PHF21B: variants seen among roughly 807,000 people sequenced by gnomAD.
PHF21B encodes PHD finger protein 4.
A neutral mutation model predicts 62.2 loss-of-function variants in PHF21B; 22 were observed. That is an observed-to-expected ratio of 0.35 (90% CI 0.25 to 0.51). The LOEUF is 0.51. Ranked by LOEUF, PHF21B falls within the 20% of genes least tolerant of loss-of-function variation. The pLI is 0.97. For synonymous variants in PHF21B, 341 were observed against 314.7 expected (o/e 1.08, Z -0.88); for missense variants, 701 against 707.9 (o/e 0.99, Z 0.11).
chr22:44,895,774 C>T (rs936265203), intron 6 of PHF21B, among the ~76,000 whole-genome samples: 5 of 152,198 alleles, frequency 3.3e-5, no homozygotes, highest in African/African-American at 1.2e-4. Flanking sequence ...GTCTGGAAGG[C>T]TTCTCTGTCT....
rs535175281 is a variant in PHF21B at position 44,952,330 on chromosome 22, C to G, written c.121-31840G>C. Among the ~76,000 whole-genome samples, 6 of 152,194 alleles carry G rather than the reference C, an allele frequency of 3.9e-5. No individual in the cohort carries two copies. In the East Asian group the frequency reaches 1.2e-3, roughly 29 times the overall value. ...TGTACTCTGGCCTGGGCAACAAGAG[C>G]GAAACTTTGTCTCAAAAAAGAAAAT... On this transcript the variant is annotated intron_variant, in intron 2 of 12. Coordinates refer to ENST00000313237, the MANE Select transcript of PHF21B (RefSeq NM_138415.5).
chr22:44,936,682 T>A (rs1030462198), intron 2 of PHF21B, among the ~76,000 whole-genome samples: 7 of 152,220 alleles, frequency 4.6e-5, no homozygotes, highest in Admixed American at 1.3e-4. Context: ...TTGGATTACA[T>A]AAAATAATTA....
In PHF21B at chr22:44,899,346, A is replaced by G. The variant is rs1386624690; in HGVS notation, c.832-3263T>C. Among the ~76,000 whole-genome samples the G allele has an allele frequency of 3.8e-5, 5 of 130,098 alleles. No homozygotes were observed. In the East Asian group the frequency reaches 6.8e-4, roughly 18 times the overall value. The allele number at this position is 130,098 out of a possible 152,430, so 85.3% of individuals were successfully genotyped here. A position where few individuals can be genotyped will look rare whatever the true frequency, so the allele number is the denominator to read the frequency against. ...GCTCTTGTCACCCAGCCTGGAGTGC[A>G]GTGGCATGATCTCAGCTCACTGCAA... On this transcript the variant is annotated intron_variant, in intron 5 of 12. Transcript: ENST00000313237.
chr22:44,929,992 G>A (rs983799669), intron 2 of PHF21B, among the ~76,000 whole-genome samples: 4 of 152,222 alleles, frequency 2.6e-5, no homozygotes, highest in Non-Finnish European at 5.9e-5. Flanking sequence ...TCACTAGGAG[G>A]GAAAAGAGGA....
At chr22:44,964,301 A>G (rs1442845798) in intron 2 of PHF21B, among the ~76,000 whole-genome samples, 1 of 152,136 alleles carries the variant, frequency 6.6e-6, no homozygotes, top group Non-Finnish European at 1.5e-5. Flanking sequence ...CACATTCAAC[A>G]GTGAGGCCAC....
chr22:44,902,264 CA>C, intron 5 of PHF21B: 2 of 237,804 alleles, frequency 8.4e-6, no homozygotes. Flanking sequence ...CTTCGACACA[CA>C]AACAGAGAAG....
In PHF21B at chr22:44,913,907, C is replaced by T. The variant is rs370081683; in HGVS notation, c.746G>A (p.Arg249Gln). The change falls in exon 5 of 13, where the codon CGG becomes CAG. Residue 249 changes from arginine to glutamine, a missense_variant. Physicochemically the swap from Arg to Gln is conservative, Grantham distance 43 (BLOSUM62 1). Coordinates refer to ENST00000313237, the MANE Select transcript of PHF21B (RefSeq NM_138415.5). Reference protein sequence around the residue: ...QTQPESTAESRPPTEEPSQGA... With the variant: ...QTQPESTAESQPPTEEPSQGA... ...CTGAGATGGCTCCTCTGTGGGCGGC[C>T]GCGACTCTGCCGTGCTCTCGGGCTG... 7.1e-5 allele frequency: 115 copies of T among 1,613,442 alleles called. No homozygotes were observed. Among genetic ancestry groups the T allele is most frequent in the Non-Finnish European group, 8.3e-5 (98 of 1,179,908 alleles).
At chr22:44,970,216 G>A (rs917332847) in intron 2 of PHF21B, among the ~76,000 whole-genome samples, 1 of 152,260 alleles carries the variant, frequency 6.6e-6, no homozygotes, top group Non-Finnish European at 1.5e-5. Context: ...CCTGAAGGGA[G>A]GCATATTCCC....
intron 3 of PHF21B, among the ~76,000 whole-genome samples, chr22:44,917,643 T>C (rs2071462185): frequency 6.6e-6 from 1 of 152,194 alleles, no homozygotes; most frequent in Admixed American, 6.5e-5. Flanking sequence ...AGGTGCATAA[T>C]GGAGCCTCAC....
intron 2 of PHF21B, among the ~76,000 whole-genome samples, chr22:44,924,397 G>T (rs2071593598): frequency 6.6e-6 from 1 of 152,184 alleles, no homozygotes; most frequent in African/African-American, 2.4e-5. Context: ...GTATGGCAAT[G>T]AACAGAACGT....
At chr22:44,950,906 A>C (rs1032444797) in intron 2 of PHF21B, among the ~76,000 whole-genome samples, 10 of 152,038 alleles carry the variant, frequency 6.6e-5, no homozygotes, top group Admixed American at 3.3e-4. Context: ...GGACTTACCC[A>C]AACTGTGACT....
intron 2 of PHF21B, among the ~76,000 whole-genome samples, chr22:44,928,338 C>A (rs994208926): frequency 2.0e-5 from 3 of 152,186 alleles, no homozygotes; most frequent in Non-Finnish European, 4.4e-5. Flanking sequence ...TGGTCCAGGA[C>A]GAGCCCTGTC....
At chr22:44,974,628 A>T (rs573531912) in intron 2 of PHF21B, among the ~76,000 whole-genome samples, 2 of 152,244 alleles carry the variant, frequency 1.3e-5, no homozygotes, top group East Asian at 1.9e-4. Context: ...CCTCGTCACC[A>T]CCTGACCTGC....
At chr22:44,945,422 C>G (rs2072047643) in intron 2 of PHF21B, among the ~76,000 whole-genome samples, 1 of 152,188 alleles carries the variant, frequency 6.6e-6, no homozygotes, top group Non-Finnish European at 1.5e-5. Flanking sequence ...TGAGACCCTC[C>G]CATCCTTGGG....
chr22:44,987,534 C>A (rs1432909324), intron 2 of PHF21B, among the ~76,000 whole-genome samples: 1 of 152,156 alleles, frequency 6.6e-6, no homozygotes, highest in African/African-American at 2.4e-5. Context: ...ACGAAACTAA[C>A]AAGGGTCCAA....
chr22:44,955,837 T>G (rs2072285149), intron 2 of PHF21B, among the ~76,000 whole-genome samples: 1 of 152,132 alleles, frequency 6.6e-6, no homozygotes, highest in Non-Finnish European at 1.5e-5. Flanking sequence ...TTGGTTCTGC[T>G]CTCTGGCGAG....
chr22:44,898,394 T>C (rs150016119), intron 5 of PHF21B, among the ~76,000 whole-genome samples: 86 of 152,240 alleles, frequency 5.6e-4, no homozygotes, highest in Non-Finnish European at 8.2e-4. Flanking sequence ...TAGCTGCTGG[T>C]GACCCTGGTC....
chr22:44,915,482 C>T (rs1274069342), intron 4 of PHF21B, among the ~76,000 whole-genome samples: 1 of 152,246 alleles, frequency 6.6e-6, no homozygotes, highest in Non-Finnish European at 1.5e-5. Flanking sequence ...TGGGATACAC[C>T]TGCCATCCCA....
intron 2 of PHF21B, among the ~76,000 whole-genome samples, chr22:45,004,758 G>GT (rs2073283908): frequency 6.6e-6 from 1 of 152,220 alleles, no homozygotes; most frequent in Admixed American, 6.5e-5. Context: ...GACACAGCTG[G>GT]TAAGTCATGG....
Sources: allele counts gnomAD v4.1 joint callset (sites outside exome capture counted in the v4.1 genomes callset), GRCh38; gene constraint gnomAD v4.1.1; transcripts MANE v1.5; gene names NCBI Gene and HGNC (gene_info 2026-07-23, HGNC 2026-07-21).